Variants in NOX5 observed in about 807,000 individuals in gnomAD.
NOX5 encodes NADPH oxidase 5.
Under a neutral mutation model 85.7 loss-of-function variants are expected in NOX5, and 76 were observed. That is an observed-to-expected ratio of 0.89 (90% CI 0.74 to 1.07). The LOEUF (loss-of-function observed/expected upper bound fraction) is 1.07. Among genes scored for constraint, NOX5 ranks in the 50% least tolerant of loss-of-function variants. NOX5 has a pLI of 0.00. For synonymous variants in NOX5, 405 were observed against 401.4 expected (o/e 1.01, Z -0.11); for missense variants, 973 against 999.5 (o/e 0.97, Z 0.36).
In NOX5 at chr15:69,059,891, A is replaced by C. The variant is rs1459672810; in HGVS notation, c.*3195A>C. 6.6e-6 allele frequency: 1 copy of C among 152,238 alleles called. No individual in the cohort carries two copies. The allele number at this position is 152,238 out of a possible 1,614,324, so 9.4% of individuals were successfully genotyped here. On this transcript the variant is annotated 3_prime_UTR_variant, in exon 16 of 16. Coordinates refer to ENST00000388866, the MANE Select transcript of NOX5 (RefSeq NM_024505.4). ...AGGCCAGTTATCGGCACGTGTGCCC[A>C]TCCTCCCCCATGAAGCTGCAAACTC...
At chr15:69,051,341 G>A (rs1020756536) in intron 14 of NOX5, among the ~76,000 whole-genome samples, 1 of 152,010 alleles carries the variant, frequency 6.6e-6, no homozygotes, top group Non-Finnish European at 1.5e-5. Context: ...CATTTTTCTG[G>A]TTGTTTCAGG....
chr15:69,033,087 G>T lies in NOX5; in HGVS notation c.665G>T (p.Arg222Leu), dbSNP rs768457645. 1 of 1,550,198 alleles carries T rather than the reference G, an allele frequency of 6.5e-7. No individual in the cohort carries two copies. The highest frequency in any genetic ancestry group is 8.6e-7 in the Non-Finnish European group (1 of 1,156,898). ...LTAPAPRPRP[R>L]RPRQLTRAYW... ...GCCCCCGCCCCCCGCCCACGCCCGC[G>T]CCGGCCGCGCCAGCTGACCCGCGCC... The change falls in exon 5 of 16, where the codon CGC becomes CTC. Residue 222 changes from arginine (R) to leucine (L), a missense_variant. Transcript: ENST00000388866.
chr15:69,061,214 A>T lies in NOX5; in HGVS notation c.*4518A>T, dbSNP rs772090612. The T allele has an allele frequency of 1.7e-4, 26 of 152,250 alleles. No homozygotes were observed. Among genetic ancestry groups the T allele is most frequent in the Admixed American group, 1.4e-3 (21 of 15,290 alleles). The allele number at this position is 152,250 out of a possible 1,614,324, so 9.4% of individuals were successfully genotyped here. ...CTGAATATTGATTTGGTATCAAGTG[A>T]AAGTATTTCGGGCCTAAGCCAGGGG... On this transcript the variant is annotated 3_prime_UTR_variant, in exon 16 of 16. Coordinates refer to ENST00000388866, the MANE Select transcript of NOX5 (RefSeq NM_024505.4).
chr15:69,030,124 C>T (rs1193276827), intron 3 of NOX5: 2 of 152,160 alleles, frequency 1.3e-5, no homozygotes, highest in East Asian at 1.9e-4. Context: ...TAAGCACAAG[C>T]TACCTAAGTT....
chr15:69,056,485 C>T, intron 15 of NOX5, 80 bp from the exon 16 acceptor site: 2 of 1,560,310 alleles, frequency 1.3e-6, no homozygotes, highest in African/African-American at 1.4e-5. Flanking sequence ...TATGCTGTTA[C>T]CTCCAGGTGG....
At chr15:69,043,022 G>C (rs1017620831) in intron 10 of NOX5, among the ~76,000 whole-genome samples, 10 of 152,198 alleles carry the variant, frequency 6.6e-5, no homozygotes, top group Admixed American at 5.9e-4. Context: ...CCATTAGAAG[G>C]GGGAGAGAGC....
chr15:69,055,553 C>G, intron 15 of NOX5, 53 bp downstream of exon 15: 1 of 1,586,354 alleles, frequency 6.3e-7, no homozygotes, highest in Non-Finnish European at 8.6e-7. Flanking sequence ...GCTGAGAGCT[C>G]GAGGCAGCGG....
At position 69,048,306 on chromosome 15, in the gene NOX5, G is replaced by A. The variant is rs34272675; in HGVS notation, c.1899+395G>A. Among the ~76,000 whole-genome samples the A allele has an allele frequency of 2.5e-3, 386 of 152,328 alleles. 3 individuals carry two copies. Among genetic ancestry groups the A allele is most frequent in the African/African-American group, 9.1e-3 (377 of 41,580 alleles). On this transcript the variant is annotated intron_variant, in intron 13 of 15. Coordinates refer to ENST00000388866, the MANE Select transcript of NOX5 (RefSeq NM_024505.4). ...CTAGCACTTTGGGAGGCCAAGGCAG[G>A]CAGATCACTTGAGCCCAAGAGCTCA...
intron 6 of NOX5, 77 bp downstream of exon 6, chr15:69,035,584 G>A: frequency 6.3e-7 from 1 of 1,577,666 alleles, no homozygotes; most frequent in South Asian, 1.2e-5. Context: ...CCCAGCCCCT[G>A]TGTGTACTGC....
At position 69,037,191 on chromosome 15, in the gene NOX5, T is replaced by A. The variant is rs1213214775; in HGVS notation, c.1352T>A (p.Val451Asp). The change falls in exon 8 of 16, where the codon GTC (valine) becomes GAC (aspartate). Residue 451 changes from valine (V) to aspartate (D), a missense_variant. Physicochemically the swap from Val to Asp is radical, Grantham distance 152. Coordinates refer to ENST00000388866, the MANE Select transcript of NOX5 (RefSeq NM_024505.4). ...SRMAAVCIME[V>D]NLLPSKVTHL... ...ATGGCAGCCGTGTGCATCATGGAAG[T>A]CAACCTCCTCCCCTCCAAGGTACAA... The A allele has an allele frequency of 6.2e-7, 1 of 1,613,556 alleles. No homozygotes were observed. The highest frequency in any genetic ancestry group is 8.5e-7 in the Non-Finnish European group (1 of 1,179,968).
chr15:69,028,516 T>C (rs936534059), intron 3 of NOX5, 151 bp downstream of exon 3: 4 of 595,824 alleles, frequency 6.7e-6, no homozygotes, highest in Non-Finnish European at 1.1e-5. Flanking sequence ...TGACACTTCC[T>C]TTCCTCACAT....
In NOX5 at chr15:69,058,264, C is replaced by T. The variant is rs970510480; in HGVS notation, c.*1568C>T. On this transcript the variant is annotated 3_prime_UTR_variant, in exon 16 of 16. Coordinates refer to ENST00000388866, the MANE Select transcript of NOX5 (RefSeq NM_024505.4). ...GATCATAACCTGGATGATGATGTCCCTTATCTAAGGTGGGGCTGGGATGCA... is the reference window on the plus strand; with the variant it reads ...GATCATAACCTGGATGATGATGTCCTTTATCTAAGGTGGGGCTGGGATGCA... 3.3e-5 allele frequency: 5 copies of T among 152,260 alleles called. No homozygotes were observed. Among genetic ancestry groups the T allele is most frequent in the Non-Finnish European group, 7.3e-5 (5 of 68,102 alleles). The allele number at this position is 152,260 out of a possible 1,614,324, so 9.4% of individuals were successfully genotyped here.
chr15:69,049,189 A>G, intron 14 of NOX5, 131 bp downstream of exon 14: 3 of 434,522 alleles, frequency 6.9e-6, no homozygotes, highest in South Asian at 8.1e-5. Flanking sequence ...GTGAACCCAG[A>G]GTCTTTTTTT....
chr15:69,055,938 C>T (rs1194572148), intron 15 of NOX5, among the ~76,000 whole-genome samples: 1 of 152,170 alleles, frequency 6.6e-6, no homozygotes, highest in Non-Finnish European at 1.5e-5. Context: ...TGAACACTTA[C>T]TTGTCAGGGT....
intron 9 of NOX5, among the ~76,000 whole-genome samples, chr15:69,042,236 C>T (rs2050604051): frequency 6.6e-6 from 1 of 152,150 alleles, no homozygotes; most frequent in African/African-American, 2.4e-5. Context: ...TAGTAAGCAC[C>T]TGCTACATCC....
chr15:69,050,503 G>T (rs778191784), intron 14 of NOX5, among the ~76,000 whole-genome samples: 4 of 152,094 alleles, frequency 2.6e-5, no homozygotes. Flanking sequence ...CAATTCTTCT[G>T]CCTCAGTCTC....
rs532940785 is a variant in NOX5 at position 69,050,471 on chromosome 15, A to C, written c.1999+1413A>C. On this transcript the variant is annotated intron_variant, in intron 14 of 15. Transcript: ENST00000388866. Reference sequence around the variant, plus strand: ...CCAGGTGCAATCTCGGCTCACTGCAACCTCCACCTCCCAGGTTCAAGCAAT... The same window carrying C: ...CCAGGTGCAATCTCGGCTCACTGCACCCTCCACCTCCCAGGTTCAAGCAAT... Among the ~76,000 whole-genome samples, 19 of 152,022 alleles carry C rather than the reference A, an allele frequency of 1.2e-4. No individual in the cohort carries two copies. The South Asian group carries it at 1.9e-3, about 15-fold the overall frequency.
At position 69,031,775 on chromosome 15, in the gene NOX5, C is replaced by T; in HGVS notation, c.583C>T (p.Gln195Ter). Residue 195 changes from glutamine to a stop codon, truncating the protein, a stop_gained, in exon 4 of 16, where the codon CAG (glutamine) becomes TAG (stop). Transcript: ENST00000388866. LOFTEE classifies it high-confidence loss of function. Reference protein sequence around the residue: ...ITFEELRDELQRFPGVMENLT... With the variant: ...ITFEELRDEL ...CTTCGAGGAGCTCCGGGACGAGCTG[C>T]AGCGCTTCCCCGGAGTCATGGAGAA... is the stretch of plus-strand genomic sequence containing the variant. The T allele has an allele frequency of 6.2e-7, 1 of 1,606,424 alleles. No homozygotes were observed. Among genetic ancestry groups the T allele is most frequent in the Non-Finnish European group, 8.5e-7 (1 of 1,174,408 alleles).
At chr15:69,036,217 G>A (rs1872306910) in intron 7 of NOX5, among the ~76,000 whole-genome samples, 1 of 152,168 alleles carries the variant, frequency 6.6e-6, no homozygotes, top group Admixed American at 6.5e-5. Context: ...GGAGGGGAAG[G>A]AACATAGGCT....
Sources: allele counts gnomAD v4.1 joint callset (sites outside exome capture counted in the v4.1 genomes callset), GRCh38; gene constraint gnomAD v4.1.1; transcripts MANE v1.5; gene names NCBI Gene and HGNC (gene_info 2026-07-23, HGNC 2026-07-21).